ANKRD44: variants seen among roughly 807,000 people sequenced by gnomAD.
ANKRD44 encodes the protein serine/threonine-protein phosphatase 6 regulatory ankyrin repeat subunit B.
In ANKRD44, 35 loss-of-function variants were observed where a neutral mutation model predicts 116.0. The ratio of observed to expected loss-of-function variants is 0.30; its 90% CI spans 0.23 to 0.40. The LOEUF (loss-of-function observed/expected upper bound fraction) is 0.40, where lower values mean the gene tolerates loss of function less well. Among genes scored for constraint, ANKRD44 ranks in the 10% least tolerant of loss-of-function variants. The pLI is 1.00. For synonymous variants in ANKRD44, 435 were observed against 461.8 expected (o/e 0.94, Z 0.74); for missense variants, 1,014 against 1,242.6 (o/e 0.82, Z 2.77).
At chr2:197,164,438 C>T (rs2080051854) in intron 2 of ANKRD44, among the ~76,000 whole-genome samples, 1 of 152,186 alleles carries the variant, frequency 6.6e-6, no homozygotes, top group Non-Finnish European at 1.5e-5. Context: ...TCTCTGGGGG[C>T]GGCCACACTG....
chr2:197,206,898 C>T (rs545745682), intron 1 of ANKRD44, among the ~76,000 whole-genome samples: 1 of 152,294 alleles, frequency 6.6e-6, no homozygotes, highest in Admixed American at 6.5e-5. Context: ...TTACGTCCCT[C>T]ATGTTCATAC....
rs373718348 is a variant in ANKRD44, at chr2:197,268,199, C to T, written c.27+42379G>A. On this transcript the variant is annotated intron_variant, in intron 1 of 27. Coordinates refer to ENST00000282272, the MANE Select transcript of ANKRD44 (RefSeq NM_001195144.2). ...AAGCTGTGGAGCTGATCTATGAAGC[C>T]CTTCTATGCCCAGCTTCAGCACATG... Among the ~76,000 whole-genome samples, 30 of 152,270 alleles carry T rather than the reference C, an allele frequency of 2.0e-4. 1 individual carries two copies. Among genetic ancestry groups the T allele is most frequent in the African/African-American group, 6.7e-4 (28 of 41,560 alleles).
At chr2:196,968,129 T>C (rs1037218107) in intron 21 of ANKRD44, among the ~76,000 whole-genome samples, 2 of 152,204 alleles carry the variant, frequency 1.3e-5, no homozygotes, top group African/African-American at 4.8e-5. Flanking sequence ...TATTTCTTTA[T>C]AGCAATGCAA....
chr2:197,217,218 G>A (rs967016708), intron 1 of ANKRD44, among the ~76,000 whole-genome samples: 9 of 151,902 alleles, frequency 5.9e-5, no homozygotes, highest in African/African-American at 2.2e-4. Context: ...CTGATGCATT[G>A]TGTTTTTCAA....
intron 15 of ANKRD44, 104 bp downstream of exon 15, chr2:197,081,541 C>T: frequency 1.0e-6 from 1 of 968,902 alleles, no homozygotes. Flanking sequence ...TCCTCAAGAT[C>T]CCAAGTGAAA....
chr2:197,283,439 G>A (rs2105839755), intron 1 of ANKRD44, among the ~76,000 whole-genome samples: 2 of 152,276 alleles, frequency 1.3e-5, no homozygotes, highest in Middle Eastern at 6.8e-3. Flanking sequence ...ATCTCAGTAT[G>A]AATCTCCATA....
At chr2:196,992,924 G>A (rs576104672) in intron 27 of ANKRD44, 2 of 152,550 alleles carry the variant, frequency 1.3e-5, no homozygotes, top group Non-Finnish European at 2.9e-5. Flanking sequence ...TGCTCCCCAA[G>A]GTTAATAGGC....
exon 22 of ANKRD44, chr2:196,967,272 C>G (rs746992403): frequency 6.7e-6 from 2 of 296,868 alleles, no homozygotes; most frequent in African/African-American, 2.2e-5. Flanking sequence ...TTCCCAATCA[C>G]AGACAGGCAA....
chr2:197,146,136 G>A (rs1373052908), intron 3 of ANKRD44, among the ~76,000 whole-genome samples: 1 of 152,084 alleles, frequency 6.6e-6, no homozygotes, highest in African/African-American at 2.4e-5. Context: ...AAAATACATT[G>A]AAAAATAAAG....
At position 196,987,843 on chromosome 2, in the gene ANKRD44, T is replaced by G. The variant is rs1457697724; in HGVS notation, c.*1748A>C. 2.0e-6 allele frequency: 2 copies of G among 984,676 alleles called. No individual in the cohort carries two copies. Among genetic ancestry groups the G allele is most frequent in the Non-Finnish European group, 2.4e-6 (2 of 829,442 alleles). The allele number at this position is 984,676 out of a possible 1,614,324, so 61.0% of individuals were successfully genotyped here. ...ACTAAGACTCAGTTAAAAACACATT[T>G]TTTTTTCTTAGAAAGCTATGGTGCA... is the stretch of plus-strand genomic sequence containing the variant. On this transcript the variant is annotated 3_prime_UTR_variant, in exon 28 of 28. Coordinates refer to ENST00000282272, the MANE Select transcript of ANKRD44 (RefSeq NM_001195144.2).
At chr2:197,182,356 A>G (rs561747807) in intron 2 of ANKRD44, among the ~76,000 whole-genome samples, 9 of 152,286 alleles carry the variant, frequency 5.9e-5, no homozygotes, top group Admixed American at 5.9e-4. Context: ...AATTCAATCT[A>G]CAGATTTTCA....
At chr2:197,141,236 T>TACAA (rs2079358732) in intron 3 of ANKRD44, among the ~76,000 whole-genome samples, 1 of 152,084 alleles carries the variant, frequency 6.6e-6, no homozygotes, top group South Asian at 2.1e-4. Flanking sequence ...CATACATACA[T>TACAA]ACAAATCTGA....
intron 16 of ANKRD44, among the ~76,000 whole-genome samples, chr2:197,063,845 A>ATG (rs2077372707): frequency 6.6e-6 from 1 of 152,260 alleles, no homozygotes; most frequent in South Asian, 2.1e-4. Flanking sequence ...CCTGAAAGTG[A>ATG]CAGGGAGAAT....
At chr2:197,148,061 G>A (rs986635004) in intron 2 of ANKRD44, among the ~76,000 whole-genome samples, 7 of 152,156 alleles carry the variant, frequency 4.6e-5, no homozygotes, top group African/African-American at 1.2e-4. Context: ...GGAAAAAAGC[G>A]TTGCTTCCTC....
rs770377010 is a variant in ANKRD44 at position 197,055,362 on chromosome 2, A to T, written c.1650+23341T>A. ...GTTCTTCATATATTCTGGATACAAG[A>T]CCTTTTTCATATATATGTATTGCAC... On this transcript the variant is annotated intron_variant, in intron 16 of 27. Transcript: ENST00000282272. Among the ~76,000 whole-genome samples the T allele has an allele frequency of 2.6e-5, 4 of 152,122 alleles. No homozygotes were observed. In the South Asian group the frequency reaches 8.3e-4, roughly 32 times the overall value.
At chr2:196,985,063 C>T (rs993947376), downstream of ANKRD44, among the ~76,000 whole-genome samples, 4 of 152,252 alleles carry the variant, frequency 2.6e-5, no homozygotes, top group South Asian at 2.1e-4. Flanking sequence ...CCTGCTCGCC[C>T]GCAAGGCAAG....
chr2:197,213,103 A>G (rs2081360988), intron 1 of ANKRD44, among the ~76,000 whole-genome samples: 1 of 152,162 alleles, frequency 6.6e-6, no homozygotes, highest in South Asian at 2.1e-4. Flanking sequence ...GGCACCTTCC[A>G]AAGAGATTTT....
chr2:197,178,792 A>G (rs2080431827), intron 2 of ANKRD44, among the ~76,000 whole-genome samples: 1 of 152,126 alleles, frequency 6.6e-6, no homozygotes, highest in East Asian at 1.9e-4. Context: ...TATTTTCTAC[A>G]TCTTGAATTT....
At chr2:197,223,638 G>C (rs566760812) in intron 1 of ANKRD44, among the ~76,000 whole-genome samples, 1 of 152,154 alleles carries the variant, frequency 6.6e-6, no homozygotes, top group South Asian at 2.1e-4. Context: ...CAGATGCAAA[G>C]TTTTTCCCAG....
Sources: allele counts gnomAD v4.1 joint callset (sites outside exome capture counted in the v4.1 genomes callset), GRCh38; gene constraint gnomAD v4.1.1; transcripts MANE v1.5; gene names NCBI Gene and HGNC (gene_info 2026-07-23, HGNC 2026-07-21).